Variants in C6 observed in about 807,000 individuals in gnomAD.
The protein encoded by C6 is complement component C6.
Under a neutral mutation model 112.9 loss-of-function variants are expected in C6, and 101 were observed. The ratio of observed to expected loss-of-function variants is 0.89; its 90% CI spans 0.76 to 1.06. C6 has a LOEUF of 1.06. Among genes scored for constraint, C6 ranks in the 50% least tolerant of loss-of-function variants. C6 has a pLI of 0.00. For synonymous variants in C6, 431 were observed against 384.1 expected, an observed-to-expected ratio of 1.12 and a Z score of -1.43; for missense variants, 1,202 against 1,104.6, an observed-to-expected ratio of 1.09 and a Z score of -1.25.
At position 41,223,188 on chromosome 5, in the gene C6, G is replaced by T. The variant is rs577359119; in HGVS notation, c.-20-19938C>A. Among the ~76,000 whole-genome samples the T allele has an allele frequency of 5.3e-5, 8 of 152,226 alleles. No homozygotes were observed. The South Asian group carries it at 1.5e-3, about 28-fold the overall frequency. On this transcript the variant is annotated intron_variant, in intron 1 of 17. Coordinates refer to the C6 transcript ENST00000263413. ...TAACATTTAGAGATTAACAGGTATT[G>T]TTACCACACTGGGCACTGGGGCGAT...
At chr5:41,203,036 C>T in intron 2 of C6, 52 bp downstream of exon 2, 2 of 1,579,790 alleles carry the variant, frequency 1.3e-6, no homozygotes, top group Non-Finnish European at 1.7e-6. Flanking sequence ...TTGCTGACTT[C>T]ATCCTTGAGT....
rs1749342124 is a variant in C6 at position 41,181,475 on chromosome 5, A to T, written c.811T>A (p.Phe271Ile). Residue 271 changes from phenylalanine to isoleucine, a missense_variant, in exon 7 of 18, where the codon TTC becomes ATC. Coordinates refer to ENST00000337836, the MANE Select transcript of C6 (RefSeq NM_000065.5). Reference protein sequence around the residue: ...LGHNENQQGSFSSQGGSSFSV... With the variant: ...LGHNENQQGSISSQGGSSFSV... ...AAAGAGCTCCCCCCCTGACTTGAGA[A>T]TGAGCCTTGTTGATTTTCATTGTGT... 2.5e-6 allele frequency: 4 copies of T among 1,613,808 alleles called. No homozygotes were observed. The highest frequency in any genetic ancestry group is 3.4e-6 in the Non-Finnish European group (4 of 1,179,798).
At chr5:41,155,212 C>T in intron 13 of C6, 108 bp from the exon 14 acceptor site, 2 of 996,696 alleles carry the variant, frequency 2.0e-6, no homozygotes, top group Non-Finnish European at 3.0e-6. Context: ...TCTACTCAGT[C>T]ACCAAGTCCT....
chr5:41,181,632 T>C lies in C6; in HGVS notation c.727-73A>G, dbSNP rs1029660461. 44 of 1,223,140 alleles carry C rather than the reference T, an allele frequency of 3.6e-5. No individual in the cohort carries two copies. The African/African-American group carries it at 6.0e-4, about 17-fold the overall frequency. The allele number at this position is 1,223,140 out of a possible 1,614,324, so 75.8% of individuals were successfully genotyped here. On this transcript the variant is annotated intron_variant, in intron 6 of 17. Transcript: ENST00000337836. ...AGCGACTTGTGGATATCTAATGAAA[T>C]GATGATTTATTTATTTATGCACTCA... is the stretch of plus-strand genomic sequence containing the variant.
intron 2 of C6, among the ~76,000 whole-genome samples, chr5:41,201,944 A>C (rs963690966): frequency 6.6e-6 from 1 of 152,138 alleles, no homozygotes; most frequent in Non-Finnish European, 1.5e-5. Flanking sequence ...GCTCAAAACT[A>C]AGAACTTCAA....
chr5:41,183,980 G>C (rs780312560), intron 6 of C6, among the ~76,000 whole-genome samples: 9 of 151,972 alleles, frequency 5.9e-5, no homozygotes, highest in Admixed American at 2.0e-4. Flanking sequence ...GTCTACTAGG[G>C]GGGGAAGGGA....
At chr5:41,253,419 T>A (rs1380024330) in intron 1 of C6, among the ~76,000 whole-genome samples, 5 of 152,058 alleles carry the variant, frequency 3.3e-5, no homozygotes, top group Admixed American at 3.3e-4. Flanking sequence ...TTTGTTACCC[T>A]GCCCTGTGAA....
intron 13 of C6, 80 bp downstream of exon 13, chr5:41,158,594 A>G: frequency 2.6e-6 from 2 of 784,084 alleles, no homozygotes; most frequent in Non-Finnish European, 4.6e-6. Context: ...ATAGGAAAAC[A>G]GTAACTCTAA....
chr5:41,230,448 A>C (rs539235289), intron 1 of C6, among the ~76,000 whole-genome samples: 28 of 152,094 alleles, frequency 1.8e-4, no homozygotes, highest in Non-Finnish European at 3.4e-4. Context: ...AGTGGTTGAG[A>C]TAAGGACTGA....
At chr5:41,201,482 A>G (rs1384284444) in intron 3 of C6, 76 bp downstream of exon 3, 24 of 1,362,562 alleles carry the variant, frequency 1.8e-5, no homozygotes, top group Non-Finnish European at 2.2e-5. Flanking sequence ...CAGCATTACT[A>G]TGCTGTTAAG....
chr5:41,194,975 A>G (rs1222651668), intron 5 of C6, among the ~76,000 whole-genome samples: 1 of 152,198 alleles, frequency 6.6e-6, no homozygotes, highest in Non-Finnish European at 1.5e-5. Context: ...GAAATCATGG[A>G]AAAAGCCTGG....
chr5:41,255,855 C>A (rs753199302), intron 1 of C6, among the ~76,000 whole-genome samples: 11 of 152,148 alleles, frequency 7.2e-5, no homozygotes, highest in Non-Finnish European at 1.3e-4. Context: ...TATAGTTCAG[C>A]CTCTACAGAG....
intron 17 of C6, among the ~76,000 whole-genome samples, chr5:41,147,187 T>C (rs2150223720): frequency 6.6e-6 from 1 of 152,328 alleles, no homozygotes; most frequent in South Asian, 2.1e-4. Context: ...TTTCAGCTCT[T>C]TTCTATCACA....
chr5:41,199,499 A>C (rs1166891704), intron 4 of C6, among the ~76,000 whole-genome samples: 2 of 152,216 alleles, frequency 1.3e-5, no homozygotes, highest in African/African-American at 4.8e-5. Context: ...AAATTATATT[A>C]AAAATCTTTT....
chr5:41,185,080 C>T (rs1038126009), intron 6 of C6, among the ~76,000 whole-genome samples: 1 of 152,126 alleles, frequency 6.6e-6, no homozygotes, highest in Non-Finnish European at 1.5e-5. Flanking sequence ...CAACTTCCAT[C>T]AGAACAATAT....
At position 41,153,810 on chromosome 5, in the gene C6, C is replaced by G; in HGVS notation, c.2290G>C (p.Asp764His). ...PISNSLTCEKDTLTKLKGHCQ... is the reference protein window; with the variant it reads ...PISNSLTCEKHTLTKLKGHCQ... Reference sequence around the variant, plus strand: ...CCCAGAACACTGAGCTGCTACTCACCTTTTTCACAGGTGAGAGAGTTTGAA... The same window carrying G: ...CCCAGAACACTGAGCTGCTACTCACGTTTTTCACAGGTGAGAGAGTTTGAA... Residue 764 changes from aspartate to histidine, a missense_variant and splice_region_variant, in exon 15 of 18, where the codon GAT becomes CAT. Coordinates refer to ENST00000337836, the MANE Select transcript of C6 (RefSeq NM_000065.5). The G allele has an allele frequency of 6.2e-7, 1 of 1,611,556 alleles. No individual in the cohort carries two copies. The highest frequency in any genetic ancestry group is 8.5e-7 in the Non-Finnish European group (1 of 1,178,664).
chr5:41,226,827 T>C (rs1380653701), intron 1 of C6, among the ~76,000 whole-genome samples: 2 of 152,170 alleles, frequency 1.3e-5, no homozygotes, highest in Non-Finnish European at 2.9e-5. Context: ...TTTTTGTATA[T>C]ACACCACATT....
chr5:41,186,540 GTTA>G, intron 5 of C6: 1 of 308,906 alleles, frequency 3.2e-6, no homozygotes. Flanking sequence ...TATGAAATAA[GTTA>G]TTATATAATA....
intron 1 of C6, among the ~76,000 whole-genome samples, chr5:41,260,421 A>G (rs577120108): frequency 9.5e-4 from 144 of 151,744 alleles, no homozygotes; most frequent in African/African-American, 3.4e-3. Flanking sequence ...GTAAATCCAG[A>G]ATTGTTCAGT....
Sources: allele counts gnomAD v4.1 joint callset (sites outside exome capture counted in the v4.1 genomes callset), GRCh38; gene constraint gnomAD v4.1.1; transcripts MANE v1.5; gene names NCBI Gene and HGNC (gene_info 2026-07-23, HGNC 2026-07-21).